Variants in SKOR2 observed in about 807,000 individuals in gnomAD.
SKOR2 encodes the protein SKI family transcriptional corepressor 2.
In SKOR2, 47 loss-of-function variants were observed where a neutral mutation model predicts 69.1. That is an observed-to-expected ratio of 0.68 (90% CI 0.54 to 0.87). SKOR2 has a LOEUF of 0.87. SKOR2 is among the 40% of genes least tolerant of loss of function. The pLI, the probability that SKOR2 is intolerant of heterozygous loss-of-function variation, is 0.00. For missense variants in SKOR2, 1,404 were observed against 1,472.2 expected (o/e 0.95, Z 0.76); for synonymous variants, 717 against 672.6 (o/e 1.07, Z -1.02).
chr18:47,248,696 C>A lies in SKOR2; in HGVS notation c.488G>T (p.Arg163Leu). 1 of 1,563,322 alleles carries A rather than the reference C, an allele frequency of 6.4e-7. No homozygotes were observed. Among genetic ancestry groups the A allele is most frequent in the Non-Finnish European group, 8.6e-7 (1 of 1,160,748 alleles). The change falls in exon 2 of 9, where the codon CGC (arginine) becomes CTC (leucine). Residue 163 changes from arginine (R) to leucine (L), a missense_variant. Transcript: ENST00000425639. The surrounding 1 kb of genome is among the most constrained non-coding windows in gnomAD (Gnocchi z 6.4). The part of the protein sequence containing the change: ...WGCRGSFIPA[R>L]YNSSRAKCIK... ...GCACTTGGCGCGCGAGCTGTTGTAG[C>A]GCGCGGGAATGAAGCTGCCGCGGCA... is the stretch of plus-strand genomic sequence containing the variant.
chr18:47,241,535 G>A (rs548938400), intron 4 of SKOR2, among the ~76,000 whole-genome samples: 68 of 151,970 alleles, frequency 4.5e-4, no homozygotes, highest in Admixed American at 1.0e-3. Flanking sequence ...GGCAGCTGAC[G>A]GTGCACCAAG....
intron 6 of SKOR2, among the ~76,000 whole-genome samples, chr18:47,221,746 GT>G (rs1331741406): frequency 1.3e-5 from 2 of 152,116 alleles, no homozygotes; most frequent in Non-Finnish European, 2.9e-5. Context: ...GCTATGATTA[GT>G]TGTTATCCAT....
At position 47,248,020 on chromosome 18, in the gene SKOR2, C is replaced by A. The variant is rs1363458032; in HGVS notation, c.1164G>T (p.Lys388Asn). ...RSYPVIPVPS[K>N]GSFGGVLQKF... ...TCTGCAGGACGCCCCCGAACGAGCC[C>A]TTGCTGGGCACCGGGATGACTGGGT... The change falls in exon 2 of 9, where the codon AAG (lysine) becomes AAT (asparagine). Residue 388 changes from lysine to asparagine, a missense_variant. By Grantham distance (94) the Lys-to-Asn change is moderately conservative (BLOSUM62 0). Around this residue, in one of 3 missense-constraint regions of SKOR2, gnomAD observed 1,266 missense variants for 1,309.9 expected, o/e 0.97. Transcript: ENST00000425639. This position sits in a 1 kb window ranked among gnomAD's most constrained non-coding sequence, Gnocchi z 6.4. 1.4e-6 allele frequency: 2 copies of A among 1,439,396 alleles called. No individual in the cohort carries two copies. The highest frequency in any genetic ancestry group is 9.1e-7 in the Non-Finnish European group (1 of 1,097,842). The allele number at this position is 1,439,396 out of a possible 1,614,324, so 89.2% of individuals were successfully genotyped here.
chr18:47,246,846 G>C lies in SKOR2; in HGVS notation c.2338C>G (p.Pro780Ala), dbSNP rs1265173079. Reference protein sequence around the residue: ...DEETEVLLGDPLVGGGRFLQG... With the variant: ...DEETEVLLGDALVGGGRFLQG... The stretch of plus-strand genomic sequence containing the variant: ...AGGAACCGGCCGCCCCCGACTAAGG[G>C]GTCGCCGAGTAGGACCTCCGTCTCC... Residue 780 changes from proline to alanine, a missense_variant, in exon 2 of 9, where the codon CCC (proline) becomes GCC (alanine). Transcript: ENST00000425639. 7.4e-6 allele frequency: 11 copies of C among 1,480,364 alleles called. No homozygotes were observed. Among genetic ancestry groups the C allele is most frequent in the Non-Finnish European group, 9.8e-6 (11 of 1,121,172 alleles). The allele number at this position is 1,480,364 out of a possible 1,614,324, so 91.7% of individuals were successfully genotyped here. A position where few individuals can be genotyped will look rare whatever the true frequency, so the allele number is the denominator to read the frequency against.
chr18:47,213,528 T>C (rs2064134352), intron 7 of SKOR2, among the ~76,000 whole-genome samples: 1 of 151,688 alleles, frequency 6.6e-6, no homozygotes, highest in African/African-American at 2.4e-5. Context: ...ACAATGATGC[T>C]AGTGGCTAAA....
rs529741717 is a variant in SKOR2 at position 47,245,883 on chromosome 18, C to A, written c.2614-322G>T. On this transcript the variant is annotated intron_variant, in intron 2 of 8. Coordinates refer to ENST00000425639, the MANE Select transcript of SKOR2 (RefSeq NM_001278063.4). Reference sequence around the variant, plus strand: ...ACACTTCATTAGGACAGATTCACTTCGCCCTAAAGTCCTCCAGAGTGTTTT... The same window carrying A: ...ACACTTCATTAGGACAGATTCACTTAGCCCTAAAGTCCTCCAGAGTGTTTT... Among the ~76,000 whole-genome samples, 57 of 152,244 alleles carry A rather than the reference C, an allele frequency of 3.7e-4. No individual in the cohort carries two copies. In the South Asian group the frequency reaches 0.012, roughly 31 times the overall value.
chr18:47,238,099 G>T (rs989687570), intron 4 of SKOR2, among the ~76,000 whole-genome samples: 1 of 152,086 alleles, frequency 6.6e-6, no homozygotes, highest in Non-Finnish European at 1.5e-5. Flanking sequence ...CAGCCCCAGG[G>T]ACTAAGTGGT....
intron 6 of SKOR2, among the ~76,000 whole-genome samples, chr18:47,227,684 T>C (rs757964363): frequency 1.2e-4 from 18 of 152,232 alleles, no homozygotes; most frequent in Non-Finnish European, 2.4e-4. Flanking sequence ...AGCTCAGTGC[T>C]GTTCCTCTCC....
chr18:47,220,581 G>A (rs566504921), intron 6 of SKOR2, among the ~76,000 whole-genome samples: 38 of 152,210 alleles, frequency 2.5e-4, no homozygotes, highest in African/African-American at 8.4e-4. Context: ...TTCCTGCTTT[G>A]TCCTGGTGCC....
intron 4 of SKOR2, among the ~76,000 whole-genome samples, chr18:47,244,464 T>C (rs942651155): frequency 1.3e-5 from 2 of 152,228 alleles, no homozygotes; most frequent in Non-Finnish European, 2.9e-5. Flanking sequence ...GTGGTTTCAT[T>C]TAATTTGTAT....
At chr18:47,246,540 T>C in intron 2 of SKOR2, 31 bp downstream of exon 2, 2 of 1,474,296 alleles carry the variant, frequency 1.4e-6, no homozygotes, top group South Asian at 2.6e-5. Flanking sequence ...TAATAATAAT[T>C]AGCTTGAAGG....
intron 8 of SKOR2, among the ~76,000 whole-genome samples, chr18:47,211,515 A>G (rs1251148345): frequency 6.6e-6 from 1 of 152,184 alleles, no homozygotes; most frequent in Non-Finnish European, 1.5e-5. Flanking sequence ...TAAGAGTCCA[A>G]AATAATTGTC....
At chr18:47,238,320 C>CTTTTTTTTTT (rs772229985) in intron 4 of SKOR2, among the ~76,000 whole-genome samples, 118 of 108,012 alleles carry the variant, frequency 1.1e-3, no homozygotes, top group East Asian at 1.9e-3. Flanking sequence ...CTTTTCTTTT[C>CTTTTTTTTTT]TTTTTTTTTT....
At position 47,247,509 on chromosome 18, in the gene SKOR2, C is replaced by G; in HGVS notation, c.1675G>C (p.Glu559Gln). The change falls in exon 2 of 9, where the codon GAG becomes CAG. Residue 559 changes from glutamate to glutamine, a missense_variant. By Grantham distance (29) the Glu-to-Gln change is conservative. Coordinates refer to ENST00000425639, the MANE Select transcript of SKOR2 (RefSeq NM_001278063.4). This position sits in a 1 kb window ranked among gnomAD's most constrained non-coding sequence, Gnocchi z 6.6. ...CCGCCGCTGCCGCCCGGGGGCGACT[C>G]GAAGAGCGCGTCGCGAGAGCCGGCG... ...GGAGSRDALF[E>Q]SPPGGSGGDC... 2 of 1,210,190 alleles carry G rather than the reference C, an allele frequency of 1.7e-6. No homozygotes were observed. The highest frequency in any genetic ancestry group is 2.1e-6 in the Non-Finnish European group (2 of 975,170). 75.0% of individuals were successfully genotyped at this position (1,210,190 alleles called of 1,614,324 possible). A position where few individuals can be genotyped will look rare whatever the true frequency, so the allele number is the denominator to read the frequency against.
chr18:47,234,809 C>T lies in SKOR2; in HGVS notation c.2753-3809G>A, dbSNP rs1466783234. Among the ~76,000 whole-genome samples the T allele has an allele frequency of 4.1e-5, 6 of 146,942 alleles. No homozygotes were observed. The Admixed American group carries it at 4.1e-4, about 10-fold the overall frequency. ...CCAGGAGGCAGAGATTGCAGTAAAC[C>T]GAGATCACGCCACTGCATTCTAGTC... On this transcript the variant is annotated intron_variant, in intron 4 of 8. Coordinates refer to ENST00000425639, the MANE Select transcript of SKOR2 (RefSeq NM_001278063.4).
In SKOR2 at chr18:47,247,961, G is replaced by A; in HGVS notation, c.1223C>T (p.Pro408Leu). 7.3e-7 allele frequency: 1 copy of A among 1,376,570 alleles called. No homozygotes were observed. Among genetic ancestry groups the A allele is most frequent in the South Asian group, 1.7e-5 (1 of 58,968 alleles). 85.3% of individuals were successfully genotyped at this position (1,376,570 alleles called of 1,614,324 possible). ...FPGCGGLFPHPYTFPAAAAAF... is the reference protein window; with the variant it reads ...FPGCGGLFPHLYTFPAAAAAF... ...GGCGGCCGCGGCAGGGAAGGTGTAG[G>A]GGTGCGGGAAGAGCCCGCCGCAGCC... The change falls in exon 2 of 9, where the codon CCC (proline) becomes CTC (leucine). Residue 408 changes from proline (P) to leucine (L), a missense_variant. Physicochemically the swap from Pro to Leu is moderately conservative, Grantham distance 98. Coordinates refer to ENST00000425639, the MANE Select transcript of SKOR2 (RefSeq NM_001278063.4). The surrounding 1 kb of genome is among the most constrained non-coding windows in gnomAD (Gnocchi z 6.6).
intron 1 of SKOR2, among the ~76,000 whole-genome samples, chr18:47,250,648 A>T (rs2064308305): frequency 6.6e-6 from 1 of 152,220 alleles, no homozygotes; most frequent in African/African-American, 2.4e-5. Context: ...TGTGGCATCT[A>T]TACAGCAGCC....
intron 6 of SKOR2, among the ~76,000 whole-genome samples, chr18:47,220,523 TC>T (rs1317710263): frequency 1.3e-5 from 2 of 152,192 alleles, no homozygotes; most frequent in African/African-American, 4.8e-5. Flanking sequence ...TCGGCCTGAC[TC>T]CCCTGTGCAG....
At chr18:47,232,565 C>A (rs1364941517) in intron 4 of SKOR2, among the ~76,000 whole-genome samples, 1 of 152,208 alleles carries the variant, frequency 6.6e-6, no homozygotes, top group African/African-American at 2.4e-5. Flanking sequence ...TCACCCCATC[C>A]CTCCTCTGTG....
Sources: allele counts gnomAD v4.1 joint callset (sites outside exome capture counted in the v4.1 genomes callset), GRCh38; gene constraint gnomAD v4.1.1; regional missense constraint gnomAD v4.1.1; non-coding constraint Gnocchi (gnomAD v3.1); transcripts MANE v1.5; gene names NCBI Gene and HGNC (gene_info 2026-07-23, HGNC 2026-07-21).